The following PCDHA9 variants were observed in gnomAD, a reference collection of about 807,000 sequenced individuals.
PCDHA9 encodes the protein protocadherin alpha-9.
In PCDHA9, 62 loss-of-function variants were observed where a neutral mutation model predicts 62.0. The ratio of observed to expected loss-of-function variants is 1.00; its 90% CI spans 0.81 to 1.23. The LOEUF is 1.23. PCDHA9 is among the 50% of genes most tolerant of loss of function. PCDHA9 has a pLI of 0.00. For missense variants in PCDHA9, 1,205 were observed against 1,249.8 expected (o/e 0.96, Z 0.54); for synonymous variants, 557 against 567.6 (o/e 0.98, Z 0.27).
chr5:140,872,711 G>A (rs968537483), intron 1 of PCDHA9, among the ~76,000 whole-genome samples: 1 of 152,206 alleles, frequency 6.6e-6, no homozygotes, highest in South Asian at 2.1e-4. Context: ...AAGGAAACTA[G>A]GTAAATAAAA....
chr5:140,959,578 A>G (rs1554224156), intron 1 of PCDHA9, among the ~76,000 whole-genome samples: 1 of 152,188 alleles, frequency 6.6e-6, no homozygotes, highest in Non-Finnish European at 1.5e-5. Flanking sequence ...TTTTGTTTCA[A>G]TTCTATCAGC....
intron 1 of PCDHA9, among the ~76,000 whole-genome samples, chr5:140,915,921 T>C (rs2077370703): frequency 6.6e-6 from 1 of 152,286 alleles, no homozygotes; most frequent in African/African-American, 2.4e-5. Context: ...GAGATGCTAC[T>C]TGGGAGTCAG....
At chr5:141,002,682 G>A (rs536105955) in intron 3 of PCDHA9, among the ~76,000 whole-genome samples, 51 of 152,256 alleles carry the variant, frequency 3.3e-4, no homozygotes, top group African/African-American at 1.0e-3. Flanking sequence ...CCTATACGAC[G>A]TGCAGATTTG....
At chr5:140,871,249 C>T (rs782675743) in intron 1 of PCDHA9, 1 of 1,613,984 alleles carries the variant, frequency 6.2e-7, no homozygotes, top group Non-Finnish European at 8.5e-7. Context: ...CACGCTGCTG[C>T]TGTATACGGC....
intron 1 of PCDHA9, among the ~76,000 whole-genome samples, chr5:140,951,950 G>A (rs1408300368): frequency 6.6e-6 from 1 of 152,120 alleles, no homozygotes; most frequent in Non-Finnish European, 1.5e-5. Flanking sequence ...GCGGGTACAG[G>A]CATTGGGTAA....
chr5:140,938,899 A>C (rs1175857132), intron 1 of PCDHA9, among the ~76,000 whole-genome samples: 1 of 151,886 alleles, frequency 6.6e-6, no homozygotes, highest in Non-Finnish European at 1.5e-5. Flanking sequence ...ACAGATGCGC[A>C]CACACACACA....
At chr5:140,879,802 T>A (rs535783687) in intron 1 of PCDHA9, among the ~76,000 whole-genome samples, 1 of 152,330 alleles carries the variant, frequency 6.6e-6, no homozygotes, top group Non-Finnish European at 1.5e-5. Flanking sequence ...TCTTCCAGTT[T>A]CTATTGGCTG....
At chr5:140,860,269 T>C (rs1278960733) in intron 1 of PCDHA9, 1 of 151,996 alleles carries the variant, frequency 6.6e-6, no homozygotes, top group South Asian at 2.1e-4. Flanking sequence ...ACTGTAGTGC[T>C]ACTTGGGAGG....
intron 3 of PCDHA9, among the ~76,000 whole-genome samples, chr5:141,006,271 G>T (rs2098264486): frequency 6.6e-6 from 1 of 151,918 alleles, no homozygotes; most frequent in Non-Finnish European, 1.5e-5. Context: ...GACTGCAGTG[G>T]CACGATCTCA....
Position 140,926,923 on chromosome 5 carries a change from T to C in PCDHA9, c.2395-52026T>C, listed in dbSNP as rs532425369. On this transcript the variant is annotated intron_variant, in intron 1 of 3. Transcript: ENST00000532602. ...GGGCTGTGGGGTGGCAGTTTTATGT[T>C]TGTGGGTTTCCTGCGGCGCTGCAGC... 35 of 1,571,554 alleles carry C rather than the reference T, an allele frequency of 2.2e-5. No homozygotes were observed. The East Asian group carries it at 6.5e-4, about 29-fold the overall frequency.
intron 1 of PCDHA9, chr5:140,854,088 G>A (rs1262177028): frequency 3.8e-6 from 1 of 266,394 alleles, no homozygotes; most frequent in African/African-American, 2.4e-5. Context: ...CTTGAGCCTG[G>A]GACATTGAGG....
chr5:140,960,397 G>A (rs1322659184), intron 1 of PCDHA9, among the ~76,000 whole-genome samples: 1 of 152,102 alleles, frequency 6.6e-6, no homozygotes, highest in African/African-American at 2.4e-5. Flanking sequence ...AGGATGCAAG[G>A]GGGGGTGCCC....
Position 140,978,951 on chromosome 5 carries a change from A to G in PCDHA9, c.2397A>G (p.Pro799=). Residue 799 remains proline, a splice_region_variant and synonymous_variant, in exon 2 of 4, where the codon CCA becomes CCG. Coordinates refer to ENST00000532602, the MANE Select transcript of PCDHA9 (RefSeq NM_031857.2). ...PSASSDSTGK[P]RQPNPDWRYS... ...AAACTCTCTTTGTGATTTTGCAGCC[A>G]CGACAGCCCAACCCTGACTGGCGTT... is the stretch of plus-strand genomic sequence containing the variant. 1.2e-6 allele frequency: 2 copies of G among 1,614,182 alleles called. No homozygotes were observed. The highest frequency in any genetic ancestry group is 1.7e-6 in the Non-Finnish European group (2 of 1,180,032).
chr5:140,962,008 C>T (rs1363169601), intron 1 of PCDHA9, among the ~76,000 whole-genome samples: 5 of 152,088 alleles, frequency 3.3e-5, no homozygotes, highest in South Asian at 2.1e-4. Context: ...CTCAGCTTCC[C>T]GAGTAGCTGG....
rs201435940 is a variant in PCDHA9, at chr5:140,871,358, A to G, written c.2394+20469A>G. On this transcript the variant is annotated intron_variant, in intron 1 of 3. Transcript: ENST00000532602. The stretch of plus-strand genomic sequence containing the variant: ...GTGGGGAGCTGGTCATACTCGCAGC[A>G]GAGGCGGCAGAGGGTGTGCTCTGAG... 13 of 1,614,208 alleles carry G rather than the reference A, an allele frequency of 8.1e-6. No homozygotes were observed. In the East Asian group the frequency reaches 2.9e-4, roughly 36 times the overall value.
At chr5:140,858,024 C>T (rs782656168) in intron 1 of PCDHA9, 4 of 1,596,582 alleles carry the variant, frequency 2.5e-6, no homozygotes, top group African/African-American at 1.3e-5. Context: ...CCGTCGCTGA[C>T]GGCCACGGCC....
chr5:140,891,667 A>T (rs2153435107), intron 1 of PCDHA9, among the ~76,000 whole-genome samples: 1 of 152,286 alleles, frequency 6.6e-6, no homozygotes, highest in African/African-American at 2.4e-5. Flanking sequence ...CCCACCTTAA[A>T]GTTTAATAAT....
intron 1 of PCDHA9, among the ~76,000 whole-genome samples, chr5:140,964,284 A>C (rs190870993): frequency 6.6e-6 from 1 of 152,362 alleles, no homozygotes; most frequent in East Asian, 1.9e-4. Context: ...AGTAAATTCT[A>C]GCTGGAGCTA....
intron 1 of PCDHA9, chr5:140,928,747 C>G (rs781895762): frequency 6.2e-7 from 1 of 1,614,132 alleles, no homozygotes; most frequent in Non-Finnish European, 8.5e-7. Context: ...AGGTGAGCTC[C>G]GTACTGCTCG....
Sources: gnomAD v4.1 joint callset for allele counts (sites outside exome capture counted in the v4.1 genomes callset) on GRCh38, gnomAD v4.1.1 for gene constraint, MANE v1.5 for transcripts, NCBI Gene and HGNC (gene_info 2026-07-23, HGNC 2026-07-21) for gene names.